Variants in RAD51B observed in about 807,000 individuals in gnomAD.
The protein encoded by RAD51B is DNA repair protein RAD51 homolog 2.
A neutral mutation model predicts 42.2 loss-of-function variants in RAD51B; 38 were observed. The observed-to-expected ratio is 0.90, with a 90% CI of 0.70 to 1.18. The LOEUF (loss-of-function observed/expected upper bound fraction) is 1.18. Among genes scored for constraint, RAD51B ranks in the 50% most tolerant of loss-of-function variants. The pLI is 0.00. For synonymous variants in RAD51B, 154 were observed against 145.2 expected, an observed-to-expected ratio of 1.06 and a Z score of -0.43; for missense variants, 373 against 400.7, an observed-to-expected ratio of 0.93 and a Z score of 0.59.
At chr14:68,360,377 A>C (rs1444778978) in intron 8 of RAD51B, among the ~76,000 whole-genome samples, 2 of 152,200 alleles carry the variant, frequency 1.3e-5, no homozygotes, top group African/African-American at 2.4e-5. Flanking sequence ...GGCACATCTT[A>C]TCATCGTTAT....
chr14:68,123,976 C>CT (rs2077704985), intron 7 of RAD51B, among the ~76,000 whole-genome samples: 2 of 152,142 alleles, frequency 1.3e-5, no homozygotes, highest in African/African-American at 4.8e-5. Context: ...TCTTCAGGCT[C>CT]TAAGTATTCC....
At chr14:68,445,145 T>C (rs1371476220) in intron 9 of RAD51B, among the ~76,000 whole-genome samples, 2 of 152,144 alleles carry the variant, frequency 1.3e-5, no homozygotes, top group African/African-American at 4.8e-5. Context: ...CTTCCCACAT[T>C]CACACTCTGC....
At chr14:67,866,003 T>A (rs927504912) in intron 5 of RAD51B, among the ~76,000 whole-genome samples, 1 of 152,214 alleles carries the variant, frequency 6.6e-6, no homozygotes, top group African/African-American at 2.4e-5. Flanking sequence ...CAAATTTGAA[T>A]GTGATCAAGG....
At chr14:68,143,422 A>G (rs2078177587) in intron 7 of RAD51B, among the ~76,000 whole-genome samples, 1 of 152,226 alleles carries the variant, frequency 6.6e-6, no homozygotes, top group Non-Finnish European at 1.5e-5. Context: ...AGAAGAAGAA[A>G]ATACAAATGG....
intron 7 of RAD51B, among the ~76,000 whole-genome samples, chr14:68,001,242 A>G (rs1045145872): frequency 6.6e-6 from 1 of 152,170 alleles, no homozygotes; most frequent in African/African-American, 2.4e-5. Flanking sequence ...GGAATCATAT[A>G]TGCAGTAGCA....
chr14:68,527,364 G>T (rs1398432047), intron 10 of RAD51B, among the ~76,000 whole-genome samples: 1 of 152,226 alleles, frequency 6.6e-6, no homozygotes, highest in African/African-American at 2.4e-5. Flanking sequence ...GGGACAAAAG[G>T]AAAGAGAGAG....
intron 8 of RAD51B, among the ~76,000 whole-genome samples, chr14:68,328,990 A>G (rs2082297244): frequency 6.6e-6 from 1 of 152,058 alleles, no homozygotes; most frequent in Non-Finnish European, 1.5e-5. Flanking sequence ...TTTGTATATT[A>G]TGTCACTTTT....
At chr14:68,597,155 G>A (rs944190909), downstream of RAD51B, among the ~76,000 whole-genome samples, 7 of 152,114 alleles carry the variant, frequency 4.6e-5, no homozygotes, top group African/African-American at 1.4e-4. Flanking sequence ...CCTCTTAAAG[G>A]CATATTCTGG....
At chr14:68,200,407 GTATTACC>G (rs1282628161) in intron 7 of RAD51B, among the ~76,000 whole-genome samples, 1 of 152,172 alleles carries the variant, frequency 6.6e-6, no homozygotes, top group Non-Finnish European at 1.5e-5. Context: ...TTTATTTAAA[GTATTACC>G]CACTAAAACT....
intron 7 of RAD51B, among the ~76,000 whole-genome samples, chr14:68,210,830 C>T (rs1027100434): frequency 3.5e-4 from 53 of 152,002 alleles, no homozygotes; most frequent in African/African-American, 1.2e-3. Flanking sequence ...ACGATATGGT[C>T]GCCCACAAAG....
chr14:68,321,163 CA>C (rs1383817261), intron 8 of RAD51B, among the ~76,000 whole-genome samples: 1 of 151,994 alleles, frequency 6.6e-6, no homozygotes, highest in Non-Finnish European at 1.5e-5. Context: ...AAACCCTGCC[CA>C]CCAAAAAAGT....
intron 7 of RAD51B, among the ~76,000 whole-genome samples, chr14:67,944,213 T>C (rs1200119526): frequency 6.6e-6 from 1 of 151,648 alleles, no homozygotes; most frequent in Non-Finnish European, 1.5e-5. Flanking sequence ...TTTTTTTTTT[T>C]TTTTTTTTTG....
intron 7 of RAD51B, among the ~76,000 whole-genome samples, chr14:68,020,304 G>A (rs1260523417): frequency 2.6e-5 from 4 of 151,942 alleles, no homozygotes; most frequent in Non-Finnish European, 4.4e-5. Context: ...AGAGCCCAGG[G>A]TTTCGCTATT....
intron 10 of RAD51B, among the ~76,000 whole-genome samples, chr14:68,609,441 C>G (rs1478427869): frequency 6.6e-6 from 1 of 152,168 alleles, no homozygotes; most frequent in Non-Finnish European, 1.5e-5. Context: ...TCCTCTCACC[C>G]CCCTCAGAGC....
chr14:68,297,079 G>A (rs1021798462), intron 8 of RAD51B, among the ~76,000 whole-genome samples: 3 of 152,194 alleles, frequency 2.0e-5, no homozygotes, highest in East Asian at 1.9e-4. Flanking sequence ...CCATCCCTGC[G>A]AAAAGCTGGA....
At chr14:68,428,534 C>T (rs546782513) in intron 9 of RAD51B, among the ~76,000 whole-genome samples, 3 of 151,696 alleles carry the variant, frequency 2.0e-5, no homozygotes, top group African/African-American at 7.3e-5. Context: ...CCATTTTCCA[C>T]TTCTCCCAAT....
intron 10 of RAD51B, among the ~76,000 whole-genome samples, chr14:68,552,579 C>T (rs1186461508): frequency 6.6e-6 from 1 of 152,076 alleles, no homozygotes; most frequent in African/African-American, 2.4e-5. Context: ...CAAATAGTTC[C>T]CATGTTAAAA....
chr14:68,048,051 G>A (rs976587514), intron 7 of RAD51B, among the ~76,000 whole-genome samples: 1 of 152,132 alleles, frequency 6.6e-6, no homozygotes, highest in Non-Finnish European at 1.5e-5. Context: ...CTCCTTCAAC[G>A]TCTAAATGAA....
chr14:68,342,711 C>T (rs1009636804), intron 8 of RAD51B, among the ~76,000 whole-genome samples: 2 of 133,198 alleles, frequency 1.5e-5, no homozygotes, highest in Admixed American at 1.7e-4. Context: ...TTATCCTTGT[C>T]ACCATGTGGA....
Sources: gnomAD v4.1 joint callset for allele counts (sites outside exome capture counted in the v4.1 genomes callset) on GRCh38, gnomAD v4.1.1 for gene constraint, MANE v1.5 for transcripts, NCBI Gene and HGNC (gene_info 2026-07-23, HGNC 2026-07-21) for gene names.